Variants in PTPRD observed in about 807,000 individuals in gnomAD.
PTPRD encodes the protein protein tyrosine phosphatase receptor type D.
In PTPRD, 34 loss-of-function variants were observed where a neutral mutation model predicts 214.5. That is an observed-to-expected ratio of 0.16 (90% CI 0.12 to 0.21). The LOEUF is 0.21. Among genes scored for constraint, PTPRD ranks in the 10% least tolerant of loss-of-function variants. The probability of loss-of-function intolerance (pLI) is 1.00; values close to 1 mark genes in which losing one functional copy is unlikely to be tolerated. For synonymous variants in PTPRD, 1,128 were observed against 845.7 expected (o/e 1.33, Z -5.79); for missense variants, 2,545 against 2,398.7 (o/e 1.06, Z -1.27).
At chr9:8,772,735 T>C (rs570996483) in intron 11 of PTPRD, among the ~76,000 whole-genome samples, 9 of 151,302 alleles carry the variant, frequency 5.9e-5, no homozygotes, top group South Asian at 2.1e-4. Flanking sequence ...TCAGTTTCAA[T>C]AGGTTGATTT....
intron 11 of PTPRD, among the ~76,000 whole-genome samples, chr9:8,787,968 T>C (rs1202660134): frequency 6.6e-6 from 1 of 152,218 alleles, no homozygotes; most frequent in Non-Finnish European, 1.5e-5. Flanking sequence ...ATTTAAAAGG[T>C]GCTTTTTGCT....
chr9:9,098,580 A>C (rs2099786982), intron 10 of PTPRD, among the ~76,000 whole-genome samples: 1 of 152,118 alleles, frequency 6.6e-6, no homozygotes, highest in Non-Finnish European at 1.5e-5. Context: ...ATTTACATTT[A>C]TTATTATTAC....
intron 8 of PTPRD, among the ~76,000 whole-genome samples, chr9:9,471,846 T>G (rs985502877): frequency 1.3e-5 from 2 of 152,202 alleles, no homozygotes; most frequent in Non-Finnish European, 2.9e-5. Flanking sequence ...CTTCTATTTT[T>G]ATACATTTAA....
At chr9:9,302,960 G>C (rs538638595) in intron 9 of PTPRD, among the ~76,000 whole-genome samples, 14 of 151,980 alleles carry the variant, frequency 9.2e-5, no homozygotes, top group South Asian at 2.1e-4. Flanking sequence ...TTACACATCT[G>C]CTCCTCTCTT....
intron 3 of PTPRD, among the ~76,000 whole-genome samples, chr9:10,180,883 A>G (rs1173526205): frequency 2.6e-5 from 4 of 152,060 alleles, no homozygotes; most frequent in Admixed American, 1.3e-4. Context: ...GATGGAAAAG[A>G]AAATCAGAAA....
chr9:8,706,072 G>A (rs1053566399), intron 12 of PTPRD, among the ~76,000 whole-genome samples: 2 of 152,078 alleles, frequency 1.3e-5, no homozygotes, highest in Admixed American at 6.5e-5. Context: ...CCAAAGAACT[G>A]CCAGACTCAC....
chr9:9,688,945 A>G (rs1297682404), intron 7 of PTPRD, among the ~76,000 whole-genome samples: 1 of 151,936 alleles, frequency 6.6e-6, no homozygotes, highest in Admixed American at 6.6e-5. Context: ...AACAGTAGAT[A>G]TAGATACATA....
rs774624497 is a variant in PTPRD at position 8,317,282 on chromosome 9, T to G, written c.*592A>C. ...AAGAGTTATGTAACTTTTTTAAAAT[T>G]CACTTTATCGAATGATACATTTTGT... On this transcript the variant is annotated 3_prime_UTR_variant, in exon 46 of 46. Coordinates refer to ENST00000381196, the MANE Select transcript of PTPRD (RefSeq NM_002839.4). 30 of 232,254 alleles carry G rather than the reference T, an allele frequency of 1.3e-4. No homozygotes were observed. Among genetic ancestry groups the G allele is most frequent in the Non-Finnish European group, 2.3e-4 (27 of 117,224 alleles). The allele number at this position is 232,254 out of a possible 1,614,324, so 14.4% of individuals were successfully genotyped here. A position where few individuals can be genotyped will look rare whatever the true frequency, so the allele number is the denominator to read the frequency against.
intron 5 of PTPRD, among the ~76,000 whole-genome samples, chr9:9,770,395 T>C (rs1387332994): frequency 6.6e-6 from 1 of 152,190 alleles, no homozygotes; most frequent in Non-Finnish European, 1.5e-5. Flanking sequence ...AATCTTACTT[T>C]TTTTAAAATT....
chr9:8,521,193 A>T, intron 20 of PTPRD, 84 bp downstream of exon 20: 2 of 1,448,050 alleles, frequency 1.4e-6, no homozygotes, highest in Non-Finnish European at 1.9e-6. Flanking sequence ...ATTATTTTAG[A>T]TTTTCAAGGA....
chr9:9,171,500 G>A (rs999591504), intron 10 of PTPRD, among the ~76,000 whole-genome samples: 1 of 151,540 alleles, frequency 6.6e-6, no homozygotes, highest in Non-Finnish European at 1.5e-5. Flanking sequence ...TGATTGAAGG[G>A]GTCTTAAATT....
chr9:9,430,891 C>A (rs188192249), intron 8 of PTPRD, among the ~76,000 whole-genome samples: 21 of 152,266 alleles, frequency 1.4e-4, no homozygotes, highest in African/African-American at 4.8e-4. Flanking sequence ...ACACCTTATA[C>A]AAAAATTAAT....
chr9:9,449,819 T>C (rs1018416954), intron 8 of PTPRD, among the ~76,000 whole-genome samples: 9 of 151,914 alleles, frequency 5.9e-5, no homozygotes, highest in African/African-American at 1.2e-4. Context: ...TTCTGAGATA[T>C]TGGTGCACTT....
intron 9 of PTPRD, among the ~76,000 whole-genome samples, chr9:9,389,959 G>C (rs934741933): frequency 6.6e-6 from 1 of 152,138 alleles, no homozygotes; most frequent in African/African-American, 2.4e-5. Context: ...AAGTGCTCTG[G>C]AGGCAATGGA....
intron 8 of PTPRD, among the ~76,000 whole-genome samples, chr9:9,431,677 G>A (rs113838854): frequency 0.065 from 9,815 of 152,052 alleles, 352 homozygotes; most frequent in Middle Eastern, 0.17. Context: ...ATGATAGACT[G>A]GTTTAAGAAA....
chr9:10,552,097 T>G (rs925917693), intron 2 of PTPRD, among the ~76,000 whole-genome samples: 2 of 152,194 alleles, frequency 1.3e-5, no homozygotes, highest in East Asian at 3.9e-4. Context: ...AATGAATGAT[T>G]GTCTCTTTTT....
intron 3 of PTPRD, among the ~76,000 whole-genome samples, chr9:10,276,855 A>G (rs1183038746): frequency 6.6e-6 from 1 of 152,258 alleles, no homozygotes; most frequent in Non-Finnish European, 1.5e-5. Flanking sequence ...CCAGATCACC[A>G]TGACTTTCTC....
At chr9:9,351,598 G>A (rs1447988123) in intron 9 of PTPRD, among the ~76,000 whole-genome samples, 2 of 152,062 alleles carry the variant, frequency 1.3e-5, no homozygotes, top group Admixed American at 1.3e-4. Flanking sequence ...ATGTTACTGA[G>A]TCAGTACAGC....
intron 8 of PTPRD, among the ~76,000 whole-genome samples, chr9:9,449,906 C>T (rs1422919019): frequency 6.6e-6 from 1 of 151,832 alleles, no homozygotes; most frequent in African/African-American, 2.4e-5. Context: ...CTCCCAAGTC[C>T]CCAAAGTCCG....
Sources: gnomAD v4.1 joint callset for allele counts (sites outside exome capture counted in the v4.1 genomes callset) on GRCh38, gnomAD v4.1.1 for gene constraint, MANE v1.5 for transcripts, NCBI Gene and HGNC (gene_info 2026-07-23, HGNC 2026-07-21) for gene names.